Variants in AGBL4 observed in about 807,000 individuals in gnomAD.
The protein encoded by AGBL4 is AGBL carboxypeptidase 4.
In AGBL4, 58 loss-of-function variants were observed where a neutral mutation model predicts 66.4. That is an observed-to-expected ratio of 0.87 (90% CI 0.71 to 1.09). AGBL4 has a LOEUF of 1.09. Among genes scored for constraint, AGBL4 ranks in the 50% least tolerant of loss-of-function variants. AGBL4 has a pLI of 0.00. For missense variants in AGBL4, 579 were observed against 631.0 expected (o/e 0.92, Z 0.88); for synonymous variants, 234 against 222.9 (o/e 1.05, Z -0.44).
In AGBL4 at chr1:49,038,826, C is replaced by A. The variant is rs370090590; in HGVS notation, c.594+6758G>T. ...CAAAACTAAGCCTACTCTTACCATA[C>A]AATCCAGCAACTGGACTCCTTGGAA... On this transcript the variant is annotated intron_variant, in intron 5 of 13. Transcript: ENST00000371839. Among the ~76,000 whole-genome samples the A allele has an allele frequency of 9.2e-5, 14 of 152,170 alleles. No homozygotes were observed. In the East Asian group the frequency reaches 1.2e-3, roughly 13 times the overall value.
chr1:48,770,467 G>T (rs1433675880), intron 6 of AGBL4, among the ~76,000 whole-genome samples: 1 of 151,774 alleles, frequency 6.6e-6, no homozygotes, highest in African/African-American at 2.4e-5. Flanking sequence ...TTTTTTTCAG[G>T]CTCTTCTTTA....
intron 4 of AGBL4, among the ~76,000 whole-genome samples, chr1:49,188,389 T>G (rs2148201252): frequency 6.6e-6 from 1 of 152,292 alleles, no homozygotes; most frequent in Non-Finnish European, 1.5e-5. Context: ...TTTACTTGGC[T>G]GCTCACCCAC....
At chr1:48,906,076 GAAGA>G (rs1483684118) in intron 5 of AGBL4, among the ~76,000 whole-genome samples, 1 of 152,128 alleles carries the variant, frequency 6.6e-6, no homozygotes, top group Non-Finnish European at 1.5e-5. Flanking sequence ...ATCAAAAAGG[GAAGA>G]AAGATATAAT....
chr1:48,595,570 C>A (rs778070298), intron 9 of AGBL4, among the ~76,000 whole-genome samples: 1 of 152,192 alleles, frequency 6.6e-6, no homozygotes, highest in Non-Finnish European at 1.5e-5. Context: ...AACTTAAGGA[C>A]CTTAATTAAA....
At chr1:49,722,016 A>G (rs1648647041) in intron 2 of AGBL4, among the ~76,000 whole-genome samples, 1 of 152,212 alleles carries the variant, frequency 6.6e-6, no homozygotes, top group Non-Finnish European at 1.5e-5. Context: ...AGCAAAGGTT[A>G]CAACCAGAGG....
chr1:49,888,816 C>T, intron 1 of AGBL4, among the ~76,000 whole-genome samples: 1 of 152,298 alleles, frequency 6.6e-6, no homozygotes, highest in African/African-American at 2.4e-5. Flanking sequence ...TGTAAAATGG[C>T]ATCTTCCTTG....
intron 1 of AGBL4, among the ~76,000 whole-genome samples, chr1:49,884,451 C>CA (rs1647795578): frequency 6.6e-6 from 1 of 151,654 alleles, no homozygotes; most frequent in Non-Finnish European, 1.5e-5. Context: ...ATAAAAGATT[C>CA]AGTTCTATAA....
chr1:49,971,524 G>T (rs2148363813), intron 1 of AGBL4, among the ~76,000 whole-genome samples: 1 of 152,160 alleles, frequency 6.6e-6, no homozygotes, highest in South Asian at 2.1e-4. Flanking sequence ...GCTTAATAAG[G>T]AAAGAAAAAA....
chr1:49,276,878 A>G (rs1644178845), intron 3 of AGBL4, among the ~76,000 whole-genome samples: 1 of 152,132 alleles, frequency 6.6e-6, no homozygotes, highest in Admixed American at 6.6e-5. Flanking sequence ...ACATTAATAA[A>G]TTTGTATGTC....
chr1:49,985,971 C>T (rs1659470082), intron 1 of AGBL4, among the ~76,000 whole-genome samples: 1 of 152,050 alleles, frequency 6.6e-6, no homozygotes, highest in Non-Finnish European at 1.5e-5. Context: ...CCTCCTGCTT[C>T]AACGCTTTAA....
chr1:49,021,309 A>C (rs2224976), intron 5 of AGBL4, among the ~76,000 whole-genome samples: 1 of 151,390 alleles, frequency 6.6e-6, no homozygotes, highest in African/African-American at 2.4e-5. Context: ...GATCACATGA[A>C]TTAAGATAAA....
intron 2 of AGBL4, among the ~76,000 whole-genome samples, chr1:49,832,120 A>G (rs1645703068): frequency 1.3e-5 from 2 of 151,876 alleles, no homozygotes; most frequent in Admixed American, 6.6e-5. Flanking sequence ...AGCATTAGAT[A>G]TATCTCCTAA....
intron 3 of AGBL4, among the ~76,000 whole-genome samples, chr1:49,463,081 G>A (rs564902004): frequency 6.6e-6 from 1 of 151,766 alleles, no homozygotes; most frequent in East Asian, 2.0e-4. Context: ...AACTTCCATG[G>A]GCCAGGACCT....
intron 6 of AGBL4, among the ~76,000 whole-genome samples, chr1:48,687,504 G>A (rs892736968): frequency 2.6e-5 from 4 of 152,162 alleles, no homozygotes; most frequent in Non-Finnish European, 5.9e-5. Flanking sequence ...CAGAGAAATC[G>A]TGGAGGCAGG....
rs545848206 is a variant in AGBL4, at chr1:49,388,690, T to C, written c.283-142826A>G. Among the ~76,000 whole-genome samples the C allele has an allele frequency of 1.6e-4, 24 of 152,276 alleles. No individual in the cohort carries two copies. In the South Asian group the frequency reaches 3.3e-3, roughly 21 times the overall value. On this transcript the variant is annotated intron_variant, in intron 3 of 13. Coordinates refer to ENST00000371839, the MANE Select transcript of AGBL4 (RefSeq NM_032785.4). The stretch of plus-strand genomic sequence containing the variant: ...CACAAATGGCCAGGTTTTTGGTTCA[T>C]ATGCTAATACGTAATATCCGGAAGA...
intron 3 of AGBL4, among the ~76,000 whole-genome samples, chr1:49,666,257 G>A (rs1646365341): frequency 6.6e-6 from 1 of 152,114 alleles, no homozygotes; most frequent in Non-Finnish European, 1.5e-5. Flanking sequence ...TGAATTCAGA[G>A]TTTATTTAGT....
At chr1:49,286,005 T>TGC (rs1377979472) in intron 3 of AGBL4, among the ~76,000 whole-genome samples, 1 of 152,168 alleles carries the variant, frequency 6.6e-6, no homozygotes, top group Non-Finnish European at 1.5e-5. Flanking sequence ...ATCAAAAAGC[T>TGC]TATCCACCAT....
rs771243026 is a variant in AGBL4 at position 49,659,960 on chromosome 1, T to C, written c.282+37353A>G. Among the ~76,000 whole-genome samples the C allele has an allele frequency of 2.6e-5, 4 of 152,026 alleles. No individual in the cohort carries two copies. The East Asian group carries it at 7.7e-4, about 29-fold the overall frequency. On this transcript the variant is annotated intron_variant, in intron 3 of 13. Transcript: ENST00000371839. ...TATACAACAATTAACTCAAGACGGA[T>C]AAAAGACTTCGATGTAAAACCCAGA... is the stretch of plus-strand genomic sequence containing the variant.
At chr1:48,707,918 T>C (rs961285279) in intron 6 of AGBL4, among the ~76,000 whole-genome samples, 2 of 152,174 alleles carry the variant, frequency 1.3e-5, no homozygotes, top group Non-Finnish European at 2.9e-5. Context: ...CTGAGAGTGA[T>C]GCTCTCTGAA....
Sources: allele counts gnomAD v4.1 joint callset (sites outside exome capture counted in the v4.1 genomes callset), GRCh38; gene constraint gnomAD v4.1.1; transcripts MANE v1.5; gene names NCBI Gene and HGNC (gene_info 2026-07-23, HGNC 2026-07-21).